VIT: variants seen among roughly 807,000 people sequenced by gnomAD.
VIT encodes vitrin.
VIT carries 99 observed loss-of-function variants against 78.0 expected under a neutral mutation model. The observed-to-expected ratio is 1.27, with a 90% CI of 1.08 to 1.50. The LOEUF (loss-of-function observed/expected upper bound fraction) is 1.50. Among genes scored for constraint, VIT ranks in the 40% most tolerant of loss-of-function variants. The probability of loss-of-function intolerance (pLI) is 0.00; values close to 1 mark genes in which losing one functional copy is unlikely to be tolerated. For missense variants in VIT, 1,126 were observed against 875.3 expected (o/e 1.29, Z -3.61); for synonymous variants, 374 against 334.3 (o/e 1.12, Z -1.29).
chr2:36,778,861 C>T (rs1670227768), intron 9 of VIT, among the ~76,000 whole-genome samples: 3 of 152,172 alleles, frequency 2.0e-5, no homozygotes. Flanking sequence ...TGCTGCCTTT[C>T]AGAGCCACTT....
chr2:36,738,801 G>A (rs1558528375), intron 3 of VIT, among the ~76,000 whole-genome samples: 2 of 152,276 alleles, frequency 1.3e-5, no homozygotes, highest in South Asian at 4.1e-4. Flanking sequence ...AAGCCTAGAC[G>A]TTCCATGGAA....
chr2:36,790,466 G>A (rs1179935737), intron 12 of VIT, among the ~76,000 whole-genome samples: 2 of 152,144 alleles, frequency 1.3e-5, no homozygotes, highest in Non-Finnish European at 2.9e-5. Flanking sequence ...ATGGAACTGG[G>A]CAAGCACCCT....
At chr2:36,790,376 G>C (rs976966534) in intron 12 of VIT, among the ~76,000 whole-genome samples, 2 of 152,116 alleles carry the variant, frequency 1.3e-5, no homozygotes, top group African/African-American at 4.8e-5. Context: ...CGGGCTCTTG[G>C]TTTCTGATCC....
At chr2:36,787,359 C>G (rs1387267024) in intron 12 of VIT, 83 bp downstream of exon 12, 1 of 1,491,082 alleles carries the variant, frequency 6.7e-7, no homozygotes, top group African/African-American at 1.4e-5. Flanking sequence ...TTTTATGCCA[C>G]AAATATTACC....
intron 9 of VIT, among the ~76,000 whole-genome samples, chr2:36,776,121 G>A (rs1670031727): frequency 1.3e-5 from 2 of 152,196 alleles, no homozygotes; most frequent in African/African-American, 2.4e-5. Context: ...ACTTCAAGTG[G>A]TAGGGAATTC....
intron 1 of VIT, among the ~76,000 whole-genome samples, chr2:36,707,297 C>G (rs1040309676): frequency 1.3e-5 from 2 of 152,122 alleles, no homozygotes; most frequent in Non-Finnish European, 2.9e-5. Context: ...CTCCTCCCCT[C>G]GAGTTAGCAT....
chr2:36,709,528 C>T (rs1665670339), intron 1 of VIT, among the ~76,000 whole-genome samples: 1 of 152,154 alleles, frequency 6.6e-6, no homozygotes, highest in Admixed American at 6.5e-5. Flanking sequence ...CTTGTTTCTG[C>T]CTGGCACATA....
At position 36,814,429 on chromosome 2, in the gene VIT, T is replaced by G; in HGVS notation, c.*68T>G. On this transcript the variant is annotated 3_prime_UTR_variant, in exon 16 of 16. Transcript: ENST00000379242. The stretch of plus-strand genomic sequence containing the variant: ...TGACGTGTTGGACCACCCCACCGCT[T>G]AATGGGGCACGCACGGTGCATCAAG... 1 of 1,571,110 alleles carries G rather than the reference T, an allele frequency of 6.4e-7. No individual in the cohort carries two copies. Among genetic ancestry groups the G allele is most frequent in the Non-Finnish European group, 8.7e-7 (1 of 1,150,868 alleles).
At position 36,807,237 on chromosome 2, in the gene VIT, G is replaced by T. The variant is rs560149294; in HGVS notation, c.1390-1235G>T. Among the ~76,000 whole-genome samples the T allele has an allele frequency of 4.6e-5, 7 of 152,222 alleles. No homozygotes were observed. The South Asian group carries it at 1.2e-3, about 27-fold the overall frequency. Reference sequence around the variant, plus strand: ...TCTGATGGGTTCCCTCAGTCCTGTGGGGTCCTTGCTCCAAATCCTTCATTG... The same window carrying T: ...TCTGATGGGTTCCCTCAGTCCTGTGTGGTCCTTGCTCCAAATCCTTCATTG... On this transcript the variant is annotated intron_variant, in intron 14 of 15. Coordinates refer to ENST00000379242, the MANE Select transcript of VIT (RefSeq NM_053276.4).
Position 36,791,945 on chromosome 2 carries a change from A to G in VIT, c.1058+4669A>G, listed in dbSNP as rs537771040. Among the ~76,000 whole-genome samples, 35 of 152,180 alleles carry G rather than the reference A, an allele frequency of 2.3e-4. 1 individual carries two copies. The East Asian group carries it at 6.6e-3, about 29-fold the overall frequency. On this transcript the variant is annotated intron_variant, in intron 12 of 15. Coordinates refer to ENST00000379242, the MANE Select transcript of VIT (RefSeq NM_053276.4). The stretch of plus-strand genomic sequence containing the variant: ...TCTCTGAGTCTGCAGCCAAAAAAAA[A>G]GGGAGTGGGAGGGGCTGGGGCATGA...
intron 1 of VIT, among the ~76,000 whole-genome samples, chr2:36,697,446 C>T (rs140785662): frequency 0.014 from 2,126 of 151,854 alleles, 22 homozygotes; most frequent in Middle Eastern, 0.045. Context: ...GTGTGGATCT[C>T]TACTTCTCTC....
chr2:36,743,174 G>A lies in VIT; in HGVS notation c.193G>A (p.Gly65Arg). 2 of 1,614,086 alleles carry A rather than the reference G, an allele frequency of 1.2e-6. No homozygotes were observed. The highest frequency in any genetic ancestry group is 1.1e-5 in the South Asian group (1 of 91,068). ...DPEFIVKCPAGCQDPKYHVYG... is the reference protein window; with the variant it reads ...DPEFIVKCPARCQDPKYHVYG... ...TGAGTTCATTGTGAAATGTCCAGCA[G>A]GATGCCAAGACCCCAAATACCATGT... The change falls in exon 4 of 16, where the codon GGA (glycine) becomes AGA (arginine). Residue 65 changes from glycine to arginine, a missense_variant. Gly to Arg is a moderately radical substitution (Grantham distance 125). Transcript: ENST00000379242.
rs1172056027 is a variant in VIT at position 36,699,076 on chromosome 2, G to A, written c.-19+2103G>A. 2.0e-5 allele frequency among the ~76,000 whole-genome samples: 3 copies of A among 151,982 alleles called. No individual in the cohort carries two copies. In the East Asian group the frequency reaches 5.8e-4, roughly 29 times the overall value. On this transcript the variant is annotated intron_variant, in intron 1 of 15. Transcript: ENST00000379242. The stretch of plus-strand genomic sequence containing the variant: ...GCCCCCAACATGTTCCCATGATGCT[G>A]TGTCCACATGTGCAACTTCCCCTCT...
At chr2:36,758,917 A>G in intron 5 of VIT, 52 bp from the exon 6 acceptor site, 1 of 1,528,490 alleles carries the variant, frequency 6.5e-7, no homozygotes, top group Non-Finnish European at 9.0e-7. Context: ...AGAACCATCT[A>G]AAACCTCTAG....
intron 15 of VIT, among the ~76,000 whole-genome samples, chr2:36,812,864 T>C (rs867924264): frequency 1.5e-4 from 22 of 143,596 alleles, no homozygotes; most frequent in South Asian, 6.7e-4. Context: ...TCTTCTTCTT[T>C]TTTTTTTTTT....
At chr2:36,700,084 A>G (rs1343675429) in intron 1 of VIT, among the ~76,000 whole-genome samples, 1 of 152,206 alleles carries the variant, frequency 6.6e-6, no homozygotes, top group Admixed American at 6.5e-5. Flanking sequence ...ACCATTTGTA[A>G]TAATCTTCAA....
intron 6 of VIT, among the ~76,000 whole-genome samples, chr2:36,762,103 A>G (rs947641216): frequency 3.3e-5 from 5 of 152,220 alleles, no homozygotes; most frequent in South Asian, 2.1e-4. Flanking sequence ...CTTGGTTTGT[A>G]CGTTCTCCGC....
chr2:36,767,131 A>C lies in VIT; in HGVS notation c.525A>C (p.Pro175=). 1 of 1,606,404 alleles carries C rather than the reference A, an allele frequency of 6.2e-7. No individual in the cohort carries two copies. Among genetic ancestry groups the C allele is most frequent in the Non-Finnish European group, 8.5e-7 (1 of 1,176,868 alleles). ...TTKAYQRPPI[P]GTTAQPVTLM... ...AAGCCTATCAGAGGCCACCTATTCC[A>C]GGGACAACTGCACAGCCGGTCACTC... is the stretch of plus-strand genomic sequence containing the variant. The change falls in exon 7 of 16, where the codon CCA becomes CCC. Residue 175 remains proline (P), a synonymous_variant. Coordinates refer to ENST00000379242, the MANE Select transcript of VIT (RefSeq NM_053276.4).
chr2:36,727,182 C>T (rs938898487), intron 2 of VIT, among the ~76,000 whole-genome samples: 8 of 152,082 alleles, frequency 5.3e-5, no homozygotes, highest in African/African-American at 1.9e-4. Context: ...GATGAGTGTC[C>T]TTCTTCTCCC....
Sources: allele counts gnomAD v4.1 joint callset (sites outside exome capture counted in the v4.1 genomes callset), GRCh38; gene constraint gnomAD v4.1.1; transcripts MANE v1.5; gene names NCBI Gene and HGNC (gene_info 2026-07-23, HGNC 2026-07-21).